RHAG: variants seen among roughly 807,000 people sequenced by gnomAD.
RHAG encodes Rh associated glycoprotein.
RHAG carries 25 observed loss-of-function variants against 42.4 expected under a neutral mutation model. That is an observed-to-expected ratio of 0.59 (90% CI 0.43 to 0.82). The LOEUF is 0.82. Among genes scored for constraint, RHAG ranks in the 40% least tolerant of loss-of-function variants. RHAG has a pLI of 0.00. For synonymous variants in RHAG, 182 were observed against 177.7 expected (o/e 1.02, Z -0.19); for missense variants, 483 against 504.6 (o/e 0.96, Z 0.41).
chr6:49,605,555 T>G lies in RHAG; in HGVS notation c.*258A>C. The G allele has an allele frequency of 1.8e-6, 1 of 550,580 alleles. No homozygotes were observed. Among genetic ancestry groups the G allele is most frequent in the Admixed American group, 3.0e-5 (1 of 33,874 alleles). 34.1% of individuals were successfully genotyped at this position (550,580 alleles called of 1,614,324 possible). On this transcript the variant is annotated 3_prime_UTR_variant, in exon 10 of 10. Transcript: ENST00000371175. ...GAATCCTGGAGAAGATCTATTTGAT[T>G]ATCTGTTTTATGAGTAACATCCCCT...
At chr6:49,622,867 G>C (rs1368973732) in intron 1 of RHAG, among the ~76,000 whole-genome samples, 1 of 132,952 alleles carries the variant, frequency 7.5e-6, no homozygotes, top group Admixed American at 8.8e-5. Flanking sequence ...ACGGAGTCTC[G>C]CTCTGTCGCC....
rs114518132 is a variant in RHAG, at chr6:49,615,096, G to A, written c.641-243C>T. 348 of 462,636 alleles carry A rather than the reference G, an allele frequency of 7.5e-4. 2 individuals are homozygous for A. Among genetic ancestry groups the A allele is most frequent in the African/African-American group, 6.4e-3 (325 of 50,812 alleles). The allele number at this position is 462,636 out of a possible 1,614,324, so 28.7% of individuals were successfully genotyped here. On this transcript the variant is annotated intron_variant, in intron 4 of 9. Transcript: ENST00000371175. The stretch of plus-strand genomic sequence containing the variant: ...CTGAGTAGCTGGGATTACAGGTGCG[G>A]GCTACCATGTCCACCTAACTTTTTT...
intron 4 of RHAG, chr6:49,615,057 T>C: frequency 1.8e-6 from 1 of 548,806 alleles, no homozygotes; most frequent in Non-Finnish European, 3.2e-6. Flanking sequence ...AAGCAATTCT[T>C]CTGCTTCAGC....
chr6:49,624,779 C>T (rs1762817395), intron 1 of RHAG, among the ~76,000 whole-genome samples: 1 of 152,180 alleles, frequency 6.6e-6, no homozygotes, highest in Non-Finnish European at 1.5e-5. Flanking sequence ...ACATCTAACA[C>T]ACTTTTATGT....
chr6:49,612,255 T>C, intron 6 of RHAG, 142 bp downstream of exon 6: 1 of 807,882 alleles, frequency 1.2e-6, no homozygotes, highest in Non-Finnish European at 2.1e-6. Context: ...GAAATGGGAG[T>C]GGTATTTCCA....
chr6:49,623,665 G>A (rs1762798702), intron 1 of RHAG, among the ~76,000 whole-genome samples: 1 of 152,186 alleles, frequency 6.6e-6, no homozygotes, highest in Non-Finnish European at 1.5e-5. Context: ...TGGTGCCGCT[G>A]ATGTCCTGAG....
intron 1 of RHAG, among the ~76,000 whole-genome samples, chr6:49,623,625 T>C (rs895001367): frequency 6.6e-6 from 1 of 152,020 alleles, no homozygotes; most frequent in Admixed American, 6.6e-5. Flanking sequence ...CTGGAGACAT[T>C]TGTGGTTGTT....
chr6:49,612,464 G>T lies in RHAG; in HGVS notation c.878C>A (p.Pro293Gln). The change falls in exon 6 of 10, where the codon CCA (proline) becomes CAA (glutamine). Residue 293 changes from proline to glutamine, a missense_variant. Transcript: ENST00000371175. ...GCTCCCAATAATCATAGAACCAAAT[G>T]GGTGAATTGCCATATCCGCACAAGT... ...VGTCADMAIHPFGSMIIGSIA... is the reference protein window; with the variant it reads ...VGTCADMAIHQFGSMIIGSIA... The T allele has an allele frequency of 6.2e-7, 1 of 1,614,020 alleles. No individual in the cohort carries two copies. Among genetic ancestry groups the T allele is most frequent in the East Asian group, 2.2e-5 (1 of 44,870 alleles).
intron 1 of RHAG, among the ~76,000 whole-genome samples, chr6:49,620,007 A>C (rs148846252): frequency 6.8e-4 from 103 of 152,346 alleles, no homozygotes; most frequent in African/African-American, 2.4e-3. Flanking sequence ...CCAGCCACGA[A>C]AATCTTACCA....
In RHAG at chr6:49,626,453, TC is replaced by T. The variant is rs1296581789; in HGVS notation, c.158-7092del. 2.0e-5 allele frequency among the ~76,000 whole-genome samples: 3 copies of T among 152,328 alleles called. No individual in the cohort carries two copies. The East Asian group carries it at 5.8e-4, about 29-fold the overall frequency. ...TTTGCTTCCATGTCTCACATCCAGG[TC>T]ACACTGATGCAAGAGGTGGGCTCCC... On this transcript the variant is annotated intron_variant, in intron 1 of 9. Transcript: ENST00000371175.
chr6:49,609,052 A>G (rs1439231052), intron 7 of RHAG, among the ~76,000 whole-genome samples: 5 of 149,980 alleles, frequency 3.3e-5, no homozygotes, highest in Admixed American at 3.3e-4. Context: ...ATTTGCAAAA[A>G]CATCCCTTAA....
At chr6:49,628,483 G>GTGTTTAGCCATGACTGGAGCCA (rs1762877270) in intron 1 of RHAG, among the ~76,000 whole-genome samples, 2 of 152,180 alleles carry the variant, frequency 1.3e-5, no homozygotes, top group South Asian at 4.1e-4. Context: ...CTCGAGGTGA[G>GTGTTTAGCCATGACTGGAGCCA]TGTTACAGCT....
At chr6:49,619,478 A>T in intron 1 of RHAG, 116 bp from the exon 2 acceptor site, 2 of 993,458 alleles carry the variant, frequency 2.0e-6, no homozygotes, top group Middle Eastern at 4.7e-4. Flanking sequence ...CTAGGAAAAG[A>T]GAGCATTTAA....
At chr6:49,632,332 T>C (rs1178853602) in intron 1 of RHAG, among the ~76,000 whole-genome samples, 1 of 152,200 alleles carries the variant, frequency 6.6e-6, no homozygotes, top group East Asian at 1.9e-4. Flanking sequence ...GACTTGAGTG[T>C]CTGGCAGATA....
At chr6:49,615,858 G>A in intron 3 of RHAG, 87 bp from the exon 4 acceptor site, 3 of 1,357,780 alleles carry the variant, frequency 2.2e-6, no homozygotes, top group Non-Finnish European at 2.1e-6. Context: ...TTGCATTGTT[G>A]GTTAAACAAC....
At chr6:49,607,578 G>A (rs79209800) in intron 7 of RHAG, among the ~76,000 whole-genome samples, 1 of 152,104 alleles carries the variant, frequency 6.6e-6, no homozygotes, top group Non-Finnish European at 1.5e-5. Flanking sequence ...AGGAACAGAG[G>A]ATAGAGTAAT....
chr6:49,615,581 C>T, intron 4 of RHAG, 43 bp downstream of exon 4: 1 of 1,610,854 alleles, frequency 6.2e-7, no homozygotes, highest in Non-Finnish European at 8.5e-7. Context: ...TCTCTGGTGC[C>T]TTTTCAAATA....
rs954928134 is a variant in RHAG at position 49,615,517 on chromosome 6, T to C, written c.640+107A>G. ...CTGAGGATACAGTCGTTCACTACCATGCCTGGCTTGGATGTTCTTTTTGAG... is the reference window on the plus strand; with the variant it reads ...CTGAGGATACAGTCGTTCACTACCACGCCTGGCTTGGATGTTCTTTTTGAG... On this transcript the variant is annotated intron_variant, in intron 4 of 9. Transcript: ENST00000371175. 11 of 1,264,882 alleles carry C rather than the reference T, an allele frequency of 8.7e-6. No individual in the cohort carries two copies. The Admixed American group carries it at 1.4e-4, about 16-fold the overall frequency. The allele number at this position is 1,264,882 out of a possible 1,614,324, so 78.4% of individuals were successfully genotyped here. A position where few individuals can be genotyped will look rare whatever the true frequency, so the allele number is the denominator to read the frequency against.
chr6:49,618,561 T>A (rs1471541), intron 2 of RHAG, among the ~76,000 whole-genome samples: 4 of 152,118 alleles, frequency 2.6e-5, no homozygotes, highest in South Asian at 2.1e-4. Flanking sequence ...TCCCTGTAGC[T>A]GAGATGGAAG....
Sources: allele counts gnomAD v4.1 joint callset (sites outside exome capture counted in the v4.1 genomes callset), GRCh38; gene constraint gnomAD v4.1.1; transcripts MANE v1.5; gene names NCBI Gene and HGNC (gene_info 2026-07-23, HGNC 2026-07-21).